NRG2: variants seen among roughly 807,000 people sequenced by gnomAD.
NRG2 encodes the protein pro-neuregulin-2, membrane-bound isoform.
NRG2 carries 27 observed loss-of-function variants against 73.9 expected under a neutral mutation model. That is an observed-to-expected ratio of 0.37 (90% CI 0.27 to 0.50). The LOEUF is 0.50. NRG2 is among the 20% of genes least tolerant of loss of function. The pLI, the probability that NRG2 is intolerant of heterozygous loss-of-function variation, is 0.96. For missense variants in NRG2, 1,126 were observed against 1,210.1 expected, an observed-to-expected ratio of 0.93 and a Z score of 1.03; for synonymous variants, 532 against 541.0, an observed-to-expected ratio of 0.98 and a Z score of 0.23.
Position 139,984,620 on chromosome 5 carries a change from A to G in NRG2, c.700+57750T>C, listed in dbSNP as rs375315637. On this transcript the variant is annotated intron_variant, in intron 1 of 9. Coordinates refer to ENST00000361474, the MANE Select transcript of NRG2 (RefSeq NM_004883.3). ...GGTTTTTCATATTCCTACAATGAGC[A>G]TTTATTAACTTTTAAAATAAGAAAA... is the stretch of plus-strand genomic sequence containing the variant. Among the ~76,000 whole-genome samples, 6 of 152,312 alleles carry G rather than the reference A, an allele frequency of 3.9e-5. No individual in the cohort carries two copies. In the East Asian group the frequency reaches 1.2e-3, roughly 29 times the overall value.
chr5:139,847,962 G>T lies in NRG2; in HGVS notation c.2508C>A (p.Ser836Arg). 1 of 1,510,100 alleles carries T rather than the reference G, an allele frequency of 6.6e-7. No homozygotes were observed. The allele number at this position is 1,510,100 out of a possible 1,614,324, so 93.5% of individuals were successfully genotyped here. A position where few individuals can be genotyped will look rare whatever the true frequency, so the allele number is the denominator to read the frequency against. Residue 836 changes from serine to arginine, a missense_variant, in exon 10 of 10, where the codon AGC (serine) becomes AGA (arginine). Transcript: ENST00000361474. Reference protein sequence around the residue: ...SHSTRASSRHSRGPPPRAKQD... With the variant: ...SHSTRASSRHRRGPPPRAKQD... The stretch of plus-strand genomic sequence containing the variant: ...GCTTGGCCCGCGGGGGCGGCCCGCG[G>T]CTGTGTCTGCTGCTGGCCCGCGTGC...
intron 6 of NRG2, 65 bp downstream of exon 6, chr5:139,855,611 A>G: frequency 6.7e-6 from 9 of 1,351,224 alleles, no homozygotes; most frequent in Non-Finnish European, 9.5e-6. Flanking sequence ...AGTCTTCTTC[A>G]CACACATTCT....
rs1049179352 is a variant in NRG2, at chr5:139,868,836, T to C, written c.1112+2885A>G. On this transcript the variant is annotated intron_variant, in intron 4 of 9. Transcript: ENST00000361474. The surrounding 1 kb of genome is among the most constrained non-coding windows in gnomAD (Gnocchi z 4.2). ...GATGAGCAGGCAGATGGAGGTGGGA[T>C]GGGGAATCACCTGGACATGGGTGGG... Among the ~76,000 whole-genome samples, 1 of 150,080 alleles carries C rather than the reference T, an allele frequency of 6.7e-6. No homozygotes were observed. The highest frequency in any genetic ancestry group is 2.5e-5 in the African/African-American group (1 of 40,534).
chr5:139,898,828 T>G (rs1026611142), intron 1 of NRG2, among the ~76,000 whole-genome samples: 3 of 152,232 alleles, frequency 2.0e-5, no homozygotes, highest in Admixed American at 6.5e-5. Context: ...TTTGGCAGCA[T>G]ACCTTCTGGA....
chr5:139,962,312 T>C (rs1166422985), intron 1 of NRG2, among the ~76,000 whole-genome samples: 3 of 152,058 alleles, frequency 2.0e-5, no homozygotes, highest in Non-Finnish European at 2.9e-5. Context: ...AGACAAACTA[T>C]GGAGGATGAA....
chr5:139,911,427 G>A (rs1301265430), intron 1 of NRG2, among the ~76,000 whole-genome samples: 1 of 152,144 alleles, frequency 6.6e-6, no homozygotes, highest in Non-Finnish European at 1.5e-5. Flanking sequence ...ATGTTACTCT[G>A]TCCACCAGCT....
At chr5:139,945,366 T>G (rs570826141) in intron 1 of NRG2, among the ~76,000 whole-genome samples, 1 of 152,248 alleles carries the variant, frequency 6.6e-6, no homozygotes, top group East Asian at 1.9e-4. Flanking sequence ...TCTAGTAGTT[T>G]TATAATTTCT....
At chr5:139,864,495 TGA>T (rs5871710) in intron 5 of NRG2, among the ~76,000 whole-genome samples, 5 of 151,668 alleles carry the variant, frequency 3.3e-5, no homozygotes, top group East Asian at 3.9e-4. Context: ...ACAGAGGTGC[TGA>T]GAGAGTCACC....
rs1254766323 is a variant in NRG2 at position 139,868,526 on chromosome 5, C to G, written c.1113-2901G>C. On this transcript the variant is annotated intron_variant, in intron 4 of 9. Transcript: ENST00000361474. This position sits in a 1 kb window ranked among gnomAD's most constrained non-coding sequence, Gnocchi z 4.2. ...TCCCACCAGGTCATCAGTTATGACTCTGGGGAAGGTCTGTCCCCAGGGCTG... is the reference window on the plus strand; with the variant it reads ...TCCCACCAGGTCATCAGTTATGACTGTGGGGAAGGTCTGTCCCCAGGGCTG... Among the ~76,000 whole-genome samples, 1 of 152,000 alleles carries G rather than the reference C, an allele frequency of 6.6e-6. No homozygotes were observed. Among genetic ancestry groups the G allele is most frequent in the Non-Finnish European group, 1.5e-5 (1 of 67,966 alleles).
At chr5:140,023,987 G>A (rs940208398) in intron 1 of NRG2, among the ~76,000 whole-genome samples, 3 of 152,104 alleles carry the variant, frequency 2.0e-5, no homozygotes, top group Admixed American at 6.5e-5. Context: ...ACAGGAAGGC[G>A]CAGGACCTCC....
At position 139,865,090 on chromosome 5, in the gene NRG2, G is replaced by A. The variant is rs1160981621; in HGVS notation, c.1189+459C>T. 1 of 1,600,540 alleles carries A rather than the reference G, an allele frequency of 6.2e-7. No homozygotes were observed. Among genetic ancestry groups the A allele is most frequent in the Non-Finnish European group, 8.6e-7 (1 of 1,167,878 alleles). Reference sequence around the variant, plus strand: ...GGAGACTGTCAGTCACCAGGGAAGAGAAGAAATAGAAGAAAGAGACATACT... The same window carrying A: ...GGAGACTGTCAGTCACCAGGGAAGAAAAGAAATAGAAGAAAGAGACATACT... On this transcript the variant is annotated intron_variant, in intron 5 of 9. Coordinates refer to ENST00000361474, the MANE Select transcript of NRG2 (RefSeq NM_004883.3). The surrounding 1 kb of genome is among the most constrained non-coding windows in gnomAD (Gnocchi z 5.2).
rs139552724 is a variant in NRG2, at chr5:139,853,908, G to T, written c.1293-881C>A. 2.6e-5 allele frequency among the ~76,000 whole-genome samples: 4 copies of T among 152,120 alleles called. No homozygotes were observed. The highest frequency in any genetic ancestry group is 7.2e-5 in the African/African-American group (3 of 41,402). On this transcript the variant is annotated intron_variant, in intron 6 of 9. Transcript: ENST00000361474. This position sits in a 1 kb window ranked among gnomAD's most constrained non-coding sequence, Gnocchi z 4.1. ...ATAATTTAATTATACATTTAAAAGA[G>T]TATAACTGGATTGCTTGTAACACAA...
intron 1 of NRG2, among the ~76,000 whole-genome samples, chr5:139,957,170 T>C (rs1248044604): frequency 6.6e-6 from 1 of 152,110 alleles, no homozygotes; most frequent in Non-Finnish European, 1.5e-5. Context: ...CTTGGTTACA[T>C]AGCTTTGGGC....
chr5:139,938,663 T>A lies in NRG2; in HGVS notation c.701-51152A>T, dbSNP rs1201167650. Among the ~76,000 whole-genome samples, 3 of 152,130 alleles carry A rather than the reference T, an allele frequency of 2.0e-5. No individual in the cohort carries two copies. The East Asian group carries it at 5.8e-4, about 29-fold the overall frequency. ...CAAGCCACCATGTACAGCCTCAAGATATATTATAAAGTTAAAATAATCAAG... is the reference window on the plus strand; with the variant it reads ...CAAGCCACCATGTACAGCCTCAAGAAATATTATAAAGTTAAAATAATCAAG... On this transcript the variant is annotated intron_variant, in intron 1 of 9. Coordinates refer to ENST00000361474, the MANE Select transcript of NRG2 (RefSeq NM_004883.3).
intron 1 of NRG2, among the ~76,000 whole-genome samples, chr5:140,026,519 C>T (rs1018475469): frequency 2.0e-5 from 3 of 151,978 alleles, no homozygotes; most frequent in Admixed American, 6.6e-5. Flanking sequence ...GAGGATTGCT[C>T]AAGCCCACGA....
At chr5:140,038,017 G>T (rs968321031) in intron 1 of NRG2, among the ~76,000 whole-genome samples, 1 of 151,884 alleles carries the variant, frequency 6.6e-6, no homozygotes, top group Admixed American at 6.6e-5. Context: ...CCTTAAAGCG[G>T]GGTAGCTGAG....
At chr5:139,932,082 T>C (rs1178575062) in intron 1 of NRG2, among the ~76,000 whole-genome samples, 1 of 152,222 alleles carries the variant, frequency 6.6e-6, no homozygotes, top group African/African-American at 2.4e-5. Context: ...ATCCCCCTTT[T>C]CGGTATATCC....
Position 140,001,333 on chromosome 5 carries a change from G to A in NRG2, c.700+41037C>T, listed in dbSNP as rs930023789. ...TAATACATACCTACAGCTTATGGTA[G>A]TGATACCATTAGTTTTTTCACACAT... is the stretch of plus-strand genomic sequence containing the variant. On this transcript the variant is annotated intron_variant, in intron 1 of 9. Coordinates refer to ENST00000361474, the MANE Select transcript of NRG2 (RefSeq NM_004883.3). 4.4e-4 allele frequency among the ~76,000 whole-genome samples: 67 copies of A among 152,310 alleles called. 2 individuals carry two copies. The highest frequency in any genetic ancestry group is 4.4e-5 in the Non-Finnish European group (3 of 68,024).
chr5:140,003,431 T>C (rs1046226644), intron 1 of NRG2, among the ~76,000 whole-genome samples: 1 of 151,752 alleles, frequency 6.6e-6, no homozygotes, highest in East Asian at 1.9e-4. Flanking sequence ...AAGAGGGAGG[T>C]AGGAGGATTA....
Sources: gnomAD v4.1 joint callset for allele counts (sites outside exome capture counted in the v4.1 genomes callset) on GRCh38, gnomAD v4.1.1 for gene constraint, Gnocchi (gnomAD v3.1) non-coding constraint, MANE v1.5 for transcripts, NCBI Gene and HGNC (gene_info 2026-07-23, HGNC 2026-07-21) for gene names.